Variants in CPLANE1 observed in about 807,000 individuals in gnomAD.
The protein encoded by CPLANE1 is ciliogenesis and planar polarity effector 1.
Under a neutral mutation model 362.5 loss-of-function variants are expected in CPLANE1, and 263 were observed. The observed-to-expected ratio is 0.73, with a 90% CI of 0.66 to 0.80. CPLANE1 has a LOEUF of 0.80. CPLANE1 is among the 30% of genes least tolerant of loss of function. The probability of loss-of-function intolerance (pLI) is 0.00; values close to 1 mark genes in which losing one functional copy is unlikely to be tolerated. For missense variants in CPLANE1, 3,461 were observed against 3,793.4 expected, an observed-to-expected ratio of 0.91 and a Z score of 2.30; for synonymous variants, 1,212 against 1,302.6, an observed-to-expected ratio of 0.93 and a Z score of 1.50.
chr5:37,237,642 T>TCAC (rs1404552414), intron 8 of CPLANE1, among the ~76,000 whole-genome samples: 16 of 152,042 alleles, frequency 1.1e-4, no homozygotes, highest in Non-Finnish European at 1.5e-4. Flanking sequence ...GTCAGGAGAT[T>TCAC]GAGACCATCC....
At chr5:37,126,792 G>A (rs1478079059) in intron 46 of CPLANE1, among the ~76,000 whole-genome samples, 2 of 152,130 alleles carry the variant, frequency 1.3e-5, no homozygotes, top group Non-Finnish European at 2.9e-5. Flanking sequence ...TTCAAGCCCA[G>A]CTTGGGCAAA....
At position 37,247,932 on chromosome 5, in the gene CPLANE1, G is replaced by C. The variant is rs1740327663; in HGVS notation, c.-47-187C>G. 4 of 355,910 alleles carry C rather than the reference G, an allele frequency of 1.1e-5. 1 individual carries two copies. The highest frequency in any genetic ancestry group is 1.0e-5 in the Non-Finnish European group (2 of 197,312). The allele number at this position is 355,910 out of a possible 1,614,324, so 22.0% of individuals were successfully genotyped here. Reference sequence around the variant, plus strand: ...CCTGCGTTAGCCTCCCGAGTAGCTGGGACTACAAGCGTGTGCCACCACGCC... The same window carrying C: ...CCTGCGTTAGCCTCCCGAGTAGCTGCGACTACAAGCGTGTGCCACCACGCC... On this transcript the variant is annotated intron_variant, in intron 1 of 52. Coordinates refer to ENST00000651892, the MANE Select transcript of CPLANE1 (RefSeq NM_001384732.1).
chr5:37,201,602 T>C lies in CPLANE1; in HGVS notation c.3496A>G (p.Ile1166Val). ...APPLYCPQPA[I>V]LSEEDGDDLL... Reference sequence around the variant, plus strand: ...TGCTATAAGCTTACTTCACTAAGAATAGCTGGCTGGGGACAGTACAATGGA... The same window carrying C: ...TGCTATAAGCTTACTTCACTAAGAACAGCTGGCTGGGGACAGTACAATGGA... The change falls in exon 19 of 53, where the codon ATT (isoleucine) becomes GTT (valine). Residue 1166 changes from isoleucine to valine, a missense_variant. By Grantham distance (29) the Ile-to-Val change is conservative (BLOSUM62 3). This residue lies in a region of CPLANE1 where 3,380 missense variants were observed against 3,666.1 expected (regional missense o/e 0.92). Coordinates refer to ENST00000651892, the MANE Select transcript of CPLANE1 (RefSeq NM_001384732.1). 1 of 1,613,422 alleles carries C rather than the reference T, an allele frequency of 6.2e-7. No individual in the cohort carries two copies. Among genetic ancestry groups the C allele is most frequent in the Non-Finnish European group, 8.5e-7 (1 of 1,179,470 alleles).
intron 44 of CPLANE1, chr5:37,141,695 C>A (rs1374432687): frequency 2.0e-6 from 2 of 984,284 alleles, no homozygotes; most frequent in Admixed American, 1.2e-4. Context: ...TATTTCCAAG[C>A]CACTGTCAGT....
chr5:37,128,416 G>A (rs942512735), intron 46 of CPLANE1, among the ~76,000 whole-genome samples: 31 of 152,184 alleles, frequency 2.0e-4, no homozygotes, highest in African/African-American at 6.0e-4. Flanking sequence ...CCTGTGCTGC[G>A]TGCAGATGGT....
At chr5:37,093,253 G>A in the CPLANE1 span, among the ~76,000 whole-genome samples, 2 of 152,266 alleles carry the variant, frequency 1.3e-5, no homozygotes, top group South Asian at 4.1e-4. Context: ...TTATAGCAGG[G>A]TATAGATCAA....
intron 7 of CPLANE1, 133 bp downstream of exon 7, chr5:37,239,580 C>CAAAAAAAAAAAAAAAAAAAAACAAAA (rs10591482): frequency 3.5e-6 from 1 of 287,384 alleles, no homozygotes; most frequent in Non-Finnish European, 5.4e-6. Context: ...GAGACCCTGT[C>CAAAAAAAAAAAAAAAAAAAAACAAAA]AAAAAAAAAA....
intron 23 of CPLANE1, among the ~76,000 whole-genome samples, chr5:37,187,190 A>G (rs905625870): frequency 3.3e-5 from 5 of 151,300 alleles, no homozygotes; most frequent in Non-Finnish European, 7.4e-5. Flanking sequence ...CCACATCCCC[A>G]GCCTCTGACA....
chr5:37,135,650 T>C lies in CPLANE1; in HGVS notation c.8792+3070A>G, dbSNP rs569457301. Among the ~76,000 whole-genome samples, 7 of 152,194 alleles carry C rather than the reference T, an allele frequency of 4.6e-5. No homozygotes were observed. In the East Asian group the frequency reaches 1.4e-3, roughly 29 times the overall value. On this transcript the variant is annotated intron_variant, in intron 46 of 52. Coordinates refer to ENST00000651892, the MANE Select transcript of CPLANE1 (RefSeq NM_001384732.1). ...CAGATTGAGACCATCCTGGCTAACA[T>C]GGTGAAACCCTGTCTCTACTAAAAA...
At chr5:37,222,854 TG>T (rs1795649550) in intron 14 of CPLANE1, among the ~76,000 whole-genome samples, 1 of 152,248 alleles carries the variant, frequency 6.6e-6, no homozygotes, top group Non-Finnish European at 1.5e-5. Flanking sequence ...GCTTCTCGTC[TG>T]ACTGATTTTC....
At chr5:37,139,667 TA>T in intron 44 of CPLANE1, 1 of 391,568 alleles carries the variant, frequency 2.6e-6, no homozygotes, top group Non-Finnish European at 3.6e-6. Context: ...CCTCCCACCT[TA>T]ACCTCCTGAA....
In CPLANE1 at chr5:37,167,233, C is replaced by T. The variant is rs780454760; in HGVS notation, c.7234-20G>A. ...TTTGCACTACAAGAAAGAAACAAAGCATAAGAATGACAAATTGCAAACTCA... is the reference window on the plus strand; with the variant it reads ...TTTGCACTACAAGAAAGAAACAAAGTATAAGAATGACAAATTGCAAACTCA... On this transcript the variant is annotated intron_variant, in intron 34 of 52. Transcript: ENST00000651892. The T allele has an allele frequency of 6.3e-7, 1 of 1,579,104 alleles. No individual in the cohort carries two copies. Among genetic ancestry groups the T allele is most frequent in the East Asian group, 2.2e-5 (1 of 44,456 alleles).
At chr5:37,162,676 G>T in intron 37 of CPLANE1, 110 bp from the exon 38 acceptor site, 1 of 692,138 alleles carries the variant, frequency 1.4e-6, no homozygotes, top group Non-Finnish European at 2.3e-6. Flanking sequence ...GTGTCAGGAT[G>T]TTATTAAATT....
chr5:37,157,998 G>A (rs745554405), intron 39 of CPLANE1, 130 bp from the exon 40 acceptor site: 13 of 774,444 alleles, frequency 1.7e-5, no homozygotes, highest in Non-Finnish European at 2.4e-5. Flanking sequence ...AGGAAAGAAG[G>A]GCCTGAATGT....
intron 51 of CPLANE1, among the ~76,000 whole-genome samples, chr5:37,114,693 A>G (rs893080058): frequency 1.1e-4 from 17 of 152,098 alleles, no homozygotes; most frequent in African/African-American, 3.6e-4. Context: ...TTAGGTCAGG[A>G]GTTCAAGACC....
At position 37,206,262 on chromosome 5, in the gene CPLANE1, C is replaced by T. The variant is rs1217138915; in HGVS notation, c.3084G>A (p.Trp1028Ter). The T allele has an allele frequency of 2.6e-6, 4 of 1,551,638 alleles. No homozygotes were observed. Among genetic ancestry groups the T allele is most frequent in the Non-Finnish European group, 1.7e-6 (2 of 1,147,018 alleles). ...AVWLAYKLGD[W>*]KTSVSIGVAF... ...CCACACCAATTGAAACAGACGTCTT[C>T]CAGTCTCCAAGTTTATATGCCAACC... The change falls in exon 17 of 53, where the codon TGG becomes TGA. Residue 1028 changes from tryptophan to a stop codon, truncating the protein, a stop_gained. Coordinates refer to ENST00000651892, the MANE Select transcript of CPLANE1 (RefSeq NM_001384732.1). LOFTEE classifies it high-confidence loss of function.
downstream of CPLANE1, among the ~76,000 whole-genome samples, chr5:37,103,176 G>A (rs1391999951): frequency 6.6e-6 from 1 of 152,074 alleles, no homozygotes; most frequent in Non-Finnish European, 1.5e-5. Context: ...TTTAAAGTCT[G>A]TTTTGTCAGA....
intron 42 of CPLANE1, 113 bp from the exon 43 acceptor site, chr5:37,148,381 G>T (rs964230165): frequency 1.5e-6 from 1 of 674,164 alleles, no homozygotes; most frequent in Admixed American, 3.2e-5. Context: ...TGAAAAAAAT[G>T]GGATTAAATC....
At chr5:37,162,685 T>A (rs947362449) in intron 37 of CPLANE1, 119 bp from the exon 38 acceptor site, 11 of 280,988 alleles carry the variant, frequency 3.9e-5, no homozygotes, top group East Asian at 3.1e-4. Context: ...TGTTATTAAA[T>A]TTTTTTTTTT....
Sources: allele counts gnomAD v4.1 joint callset (sites outside exome capture counted in the v4.1 genomes callset), GRCh38; gene constraint gnomAD v4.1.1; regional missense constraint gnomAD v4.1.1; transcripts MANE v1.5; gene names NCBI Gene and HGNC (gene_info 2026-07-23, HGNC 2026-07-21).